TCN1: variants seen among roughly 807,000 people sequenced by gnomAD.
TCN1 encodes transcobalamin 1, also known as transcobalamin-1.
TCN1 carries 47 observed loss-of-function variants against 46.3 expected under a neutral mutation model. The ratio of observed to expected loss-of-function variants is 1.01; its 90% confidence interval spans 0.80 to 1.29. The LOEUF (loss-of-function observed/expected upper bound fraction) is 1.29. Ranked by LOEUF, TCN1 falls within the 50% of genes most tolerant of loss-of-function variation. The pLI is 0.00. For synonymous variants in TCN1, 183 were observed against 192.5 expected (o/e 0.95, Z 0.41); for missense variants, 532 against 511.0 (o/e 1.04, Z -0.40).
intron 4 of TCN1, among the ~76,000 whole-genome samples, chr11:59,861,172 G>A (rs537746755): frequency 1.4e-4 from 22 of 152,286 alleles, no homozygotes; most frequent in Non-Finnish European, 2.8e-4. Context: ...GAATTCCATT[G>A]CATTTCCCTT....
At chr11:59,861,408 G>T (rs759737556) in intron 4 of TCN1, 119 bp downstream of exon 4, 447 of 1,120,020 alleles carry the variant, frequency 4.0e-4, no homozygotes, top group Non-Finnish European at 5.5e-4. Context: ...CTTTTGAGGG[G>T]ACTAGAGCAA....
In TCN1 at chr11:59,853,191, T is replaced by A. The variant is rs1386572738; in HGVS notation, c.1240+12A>T. The A allele has an allele frequency of 1.9e-6, 3 of 1,613,872 alleles. No individual in the cohort carries two copies. Among genetic ancestry groups the A allele is most frequent in the South Asian group, 2.2e-5 (2 of 91,066 alleles). On this transcript the variant is annotated intron_variant, in intron 8 of 8. Transcript: ENST00000257264. Reference sequence around the variant, plus strand: ...TTTTAGCATGGGTCTTTTTGGCATGTCTCTCCCTTACCTTGGCTCAGTGGT... The same window carrying A: ...TTTTAGCATGGGTCTTTTTGGCATGACTCTCCCTTACCTTGGCTCAGTGGT...
chr11:59,863,173 A>T (rs1385608223), intron 2 of TCN1, among the ~76,000 whole-genome samples: 2 of 152,200 alleles, frequency 1.3e-5, no homozygotes, highest in African/African-American at 4.8e-5. Flanking sequence ...TGAATATTTG[A>T]TTCCTCTCTT....
Position 59,852,932 on chromosome 11 carries a change from C to T in TCN1, c.*43G>A. On this transcript the variant is annotated 3_prime_UTR_variant, in exon 9 of 9. Coordinates refer to ENST00000257264, the MANE Select transcript of TCN1 (RefSeq NM_001062.4). ...CATAAGGACAATAAACATGGAACTC[C>T]ACTGCAAATGGATTTTATGCAGCTG... 1.3e-6 allele frequency: 2 copies of T among 1,573,440 alleles called. No homozygotes were observed. The highest frequency in any genetic ancestry group is 1.7e-6 in the Non-Finnish European group (2 of 1,142,956).
intron 5 of TCN1, 66 bp from the exon 6 acceptor site, chr11:59,856,124 C>T: frequency 2.3e-6 from 3 of 1,331,306 alleles, no homozygotes; most frequent in Non-Finnish European, 3.2e-6. Context: ...GAATATGAGA[C>T]ACTTCAAATA....
intron 8 of TCN1, 40 bp from the exon 9 acceptor site, chr11:59,853,076 G>A (rs1866684613): frequency 1.2e-6 from 2 of 1,607,322 alleles, no homozygotes; most frequent in Non-Finnish European, 1.7e-6. Context: ...CAAATGATTT[G>A]GCCACTAAAT....
At chr11:59,860,355 C>G (rs568969733) in intron 4 of TCN1, among the ~76,000 whole-genome samples, 1 of 151,940 alleles carries the variant, frequency 6.6e-6, no homozygotes, top group African/African-American at 2.4e-5. Flanking sequence ...TCTTGAACTC[C>G]CGACCTCAGG....
At chr11:59,864,209 C>T in intron 1 of TCN1, 123 bp from the exon 2 acceptor site, 1 of 1,112,214 alleles carries the variant, frequency 9.0e-7, no homozygotes, top group South Asian at 1.3e-5. Context: ...CCAGTGGCTG[C>T]AGACTGTGTT....
At position 59,864,088 on chromosome 11, in the gene TCN1, T is replaced by C. The variant is rs1415913731; in HGVS notation, c.80-2A>G. On this transcript the variant is annotated splice_acceptor_variant, in intron 1 of 8. Transcript: ENST00000257264. LOFTEE classifies it high-confidence loss of function. ...GGATGTAGTTTTCTTCACTTACCTC[T>C]GTGGCAGAGAAGGAAGGAAATAAGA... 1.9e-6 allele frequency: 3 copies of C among 1,613,538 alleles called. No homozygotes were observed.
chr11:59,856,065 A>T lies in TCN1; in HGVS notation c.748-7T>A. On this transcript the variant is annotated splice_polypyrimidine_tract_variant and splice_region_variant and intron_variant, in intron 5 of 8. Transcript: ENST00000257264. The stretch of plus-strand genomic sequence containing the variant: ...CTGATGATACAAAGAGGGCCTAATG[A>T]GGCAGGGTGGGGTGGGGGGGTGATG... 2 of 505,706 alleles carry T rather than the reference A, an allele frequency of 4.0e-6. No individual in the cohort carries two copies. Among genetic ancestry groups the T allele is most frequent in the East Asian group, 1.4e-4 (2 of 14,256 alleles). The allele number at this position is 505,706 out of a possible 1,614,324, so 31.3% of individuals were successfully genotyped here.
chr11:59,857,212 T>G (rs1318620963), intron 5 of TCN1, among the ~76,000 whole-genome samples: 1 of 152,200 alleles, frequency 6.6e-6, no homozygotes, highest in Non-Finnish European at 1.5e-5. Flanking sequence ...GGCAATTAGC[T>G]CTTGATCCTA....
intron 5 of TCN1, among the ~76,000 whole-genome samples, chr11:59,857,026 T>C (rs1296716805): frequency 5.3e-5 from 8 of 152,160 alleles, no homozygotes; most frequent in African/African-American, 9.7e-5. Flanking sequence ...GTTTTCATCT[T>C]TTCTTGGAGG....
Position 59,862,683 on chromosome 11 carries a change from A to G in TCN1, c.299T>C (p.Leu100Pro). ...AGCGTTACGACATACTCCCAAAGCC[A>G]GTATAATCAAGGCAAGCTCTCCCGA... Reference protein sequence around the residue: ...VSSGELALIILALGVCRNAEE... With the variant: ...VSSGELALIIPALGVCRNAEE... Residue 100 changes from leucine (L) to proline (P), a missense_variant, in exon 3 of 9, where the codon CTG (leucine) becomes CCG (proline). Physicochemically the swap from Leu to Pro is moderately conservative, Grantham distance 98. Transcript: ENST00000257264. 1.2e-6 allele frequency: 2 copies of G among 1,613,874 alleles called. No homozygotes were observed. Among genetic ancestry groups the G allele is most frequent in the Non-Finnish European group, 1.7e-6 (2 of 1,179,868 alleles).
chr11:59,859,281 A>C lies in TCN1; in HGVS notation c.557-14T>G, dbSNP rs1852989760. 6.2e-7 allele frequency: 1 copy of C among 1,612,482 alleles called. No homozygotes were observed. Among genetic ancestry groups the C allele is most frequent in the Non-Finnish European group, 8.5e-7 (1 of 1,180,008 alleles). ...TTGCACCAGTATCTGTCAGGAAACA[A>C]AACATTGTTGATAGGCGACCAACCA... On this transcript the variant is annotated splice_polypyrimidine_tract_variant and intron_variant, in intron 4 of 8. Transcript: ENST00000257264.
intron 6 of TCN1, among the ~76,000 whole-genome samples, chr11:59,855,535 C>T (rs983385965): frequency 3.3e-5 from 5 of 152,206 alleles, no homozygotes; most frequent in East Asian, 3.8e-4. Flanking sequence ...GTCAGAGTCA[C>T]GGTACCAATA....
chr11:59,865,954 G>T (rs1853068522), intron 1 of TCN1, among the ~76,000 whole-genome samples: 1 of 152,104 alleles, frequency 6.6e-6, no homozygotes, highest in Non-Finnish European at 1.5e-5. Flanking sequence ...CTATTTGAAA[G>T]AGATTATTAT....
At chr11:59,865,553 G>A (rs891855734) in intron 1 of TCN1, among the ~76,000 whole-genome samples, 1 of 152,102 alleles carries the variant, frequency 6.6e-6, no homozygotes, top group African/African-American at 2.4e-5. Flanking sequence ...AGAGAGCACA[G>A]ATAGTACCAC....
Position 59,859,117 on chromosome 11 carries a change from C to A in TCN1, c.707G>T (p.Gly236Val), listed in dbSNP as rs754404080. Residue 236 changes from glycine (G) to valine (V), a missense_variant, in exon 5 of 9, where the codon GGT becomes GTT. Transcript: ENST00000257264. ...EKILSEKKENGLIGNTFSTGE... is the reference protein window; with the variant it reads ...EKILSEKKENVLIGNTFSTGE... ...TGTGCTAAATGTGTTTCCAATGAGA[C>A]CATTTTCTTTTTTCTCAGACAGAAT... 4.3e-6 allele frequency: 7 copies of A among 1,613,840 alleles called. No individual in the cohort carries two copies. Among genetic ancestry groups the A allele is most frequent in the Non-Finnish European group, 4.2e-6 (5 of 1,180,028 alleles).
intron 5 of TCN1, among the ~76,000 whole-genome samples, chr11:59,858,603 G>T (rs900414127): frequency 6.6e-6 from 1 of 152,138 alleles, no homozygotes; most frequent in Non-Finnish European, 1.5e-5. Context: ...GAAGGGAATC[G>T]TATGAGCAAA....
Sources: allele counts gnomAD v4.1 joint callset (sites outside exome capture counted in the v4.1 genomes callset), GRCh38; gene constraint gnomAD v4.1.1; transcripts MANE v1.5; gene names NCBI Gene and HGNC (gene_info 2026-07-23, HGNC 2026-07-21).